The following C12orf42 variants were observed in gnomAD, a reference collection of about 807,000 sequenced individuals.
C12orf42 encodes the protein chromosome 12 open reading frame 42.
In C12orf42, 25 loss-of-function variants were observed where a neutral mutation model predicts 21.6. That is an observed-to-expected ratio of 1.16 (90% CI 0.84 to 1.62). The LOEUF (loss-of-function observed/expected upper bound fraction) is 1.62. Ranked by LOEUF, C12orf42 falls within the 40% of genes most tolerant of loss-of-function variation. The pLI is 0.00. For synonymous variants in C12orf42, 174 were observed against 175.0 expected (o/e 0.99, Z 0.05); for missense variants, 483 against 459.3 (o/e 1.05, Z -0.47).
At chr12:103,137,891 A>G in the C12orf42 span, among the ~76,000 whole-genome samples, 1 of 152,094 alleles carries the variant, frequency 6.6e-6, no homozygotes, top group Admixed American at 6.6e-5. Flanking sequence ...GTGGGGGCAT[A>G]AAGGAGGTTG....
chr12:103,069,991 C>T, the C12orf42 span, among the ~76,000 whole-genome samples: 2 of 152,276 alleles, frequency 1.3e-5, no homozygotes, highest in Admixed American at 6.5e-5. Flanking sequence ...TAGCAGGTAG[C>T]TCTTTGGGAG....
chr12:103,150,841 AT>A, the C12orf42 span, among the ~76,000 whole-genome samples: 1 of 152,178 alleles, frequency 6.6e-6, no homozygotes, highest in Non-Finnish European at 1.5e-5. Context: ...ATATACATAT[AT>A]TTTTCATCAT....
At chr12:103,377,632 G>T (rs2045815760) in intron 3 of C12orf42, among the ~76,000 whole-genome samples, 1 of 152,072 alleles carries the variant, frequency 6.6e-6, no homozygotes, top group Non-Finnish European at 1.5e-5. Context: ...GCCTAATTTT[G>T]CCAGATAATA....
chr12:103,386,957 A>G lies in C12orf42; in HGVS notation c.147+14650T>C, dbSNP rs78899705. 8.4e-4 allele frequency among the ~76,000 whole-genome samples: 128 copies of G among 152,328 alleles called. 2 individuals are homozygous for G. The East Asian group carries it at 0.023, about 28-fold the overall frequency. On this transcript the variant is annotated intron_variant, in intron 3 of 5. Coordinates refer to ENST00000548883, the MANE Select transcript of C12orf42 (RefSeq NM_198521.5). Reference sequence around the variant, plus strand: ...ACCAAAGTCACATCCTGCAGCTCGCAGTTCACAGCCCTCCCACAGCTCCAC... The same window carrying G: ...ACCAAAGTCACATCCTGCAGCTCGCGGTTCACAGCCCTCCCACAGCTCCAC...
the C12orf42 span, among the ~76,000 whole-genome samples, chr12:103,529,104 C>A: frequency 8.5e-5 from 13 of 152,084 alleles, no homozygotes; most frequent in Non-Finnish European, 1.8e-4. Flanking sequence ...ACCATGAAAA[C>A]CAATAAATGC....
the C12orf42 span, among the ~76,000 whole-genome samples, chr12:103,093,189 T>C: frequency 6.6e-6 from 1 of 152,228 alleles, no homozygotes; most frequent in South Asian, 2.1e-4. Flanking sequence ...TTCTTATTTT[T>C]CAAGATTGTC....
intron 4 of C12orf42, among the ~76,000 whole-genome samples, chr12:103,330,511 A>G (rs2041152904): frequency 6.6e-6 from 1 of 152,192 alleles, no homozygotes; most frequent in Non-Finnish European, 1.5e-5. Flanking sequence ...GTGGTTGGCT[A>G]CTTGGGTTCA....
the C12orf42 span, among the ~76,000 whole-genome samples, chr12:103,537,701 C>A: frequency 2.6e-5 from 4 of 152,336 alleles, no homozygotes; most frequent in East Asian, 1.9e-4. Flanking sequence ...CTTGGAAGAA[C>A]TAAAGCACAT....
chr12:103,156,845 T>C, the C12orf42 span, among the ~76,000 whole-genome samples: 58,860 of 152,048 alleles, frequency 0.39, 11,657 homozygotes, highest in Admixed American at 0.44. Flanking sequence ...ATGGTGTATA[T>C]AGACCACATT....
the C12orf42 span, among the ~76,000 whole-genome samples, chr12:103,211,763 T>A: frequency 6.6e-6 from 1 of 152,192 alleles, no homozygotes; most frequent in Admixed American, 6.5e-5. Context: ...TGGGAAACAG[T>A]AAATGCTTAT....
chr12:103,234,062 A>G (rs2033390999), downstream of C12orf42, among the ~76,000 whole-genome samples: 1 of 152,154 alleles, frequency 6.6e-6, no homozygotes, highest in South Asian at 2.1e-4. Context: ...ATCTATTGAT[A>G]TGTTATGTAG....
chr12:103,332,679 G>A (rs939629), intron 4 of C12orf42, among the ~76,000 whole-genome samples: 4 of 152,218 alleles, frequency 2.6e-5, no homozygotes, highest in Admixed American at 2.6e-4. Flanking sequence ...CTACGTACTG[G>A]GTAGAATTGT....
the C12orf42 span, among the ~76,000 whole-genome samples, chr12:103,207,347 C>A: frequency 6.6e-6 from 1 of 152,188 alleles, no homozygotes; most frequent in Non-Finnish European, 1.5e-5. Context: ...ACCCAAGCAC[C>A]ACACAGAAAT....
chr12:103,153,291 C>T, the C12orf42 span, among the ~76,000 whole-genome samples: 2 of 152,092 alleles, frequency 1.3e-5, no homozygotes, highest in African/African-American at 4.8e-5. Flanking sequence ...AGACATGACA[C>T]ACAAGGCACA....
the C12orf42 span, among the ~76,000 whole-genome samples, chr12:103,053,079 C>T: frequency 6.6e-6 from 1 of 151,908 alleles, no homozygotes; most frequent in Admixed American, 6.6e-5. Flanking sequence ...GTTTAGGTTC[C>T]CTCACTGTGA....
rs575109503 is a variant in C12orf42 at position 103,491,267 on chromosome 12, A to G, written c.-22+4635T>C. On this transcript the variant is annotated intron_variant, in intron 1 of 5. Transcript: ENST00000548883. ...TTAATTATTTTTTCCCATCAATATAATAATATTTGTTGGGCTATTTTAACT... is the reference window on the plus strand; with the variant it reads ...TTAATTATTTTTTCCCATCAATATAGTAATATTTGTTGGGCTATTTTAACT... Among the ~76,000 whole-genome samples the G allele has an allele frequency of 2.4e-4, 37 of 152,290 alleles. No homozygotes were observed. In the East Asian group the frequency reaches 6.9e-3, roughly 29 times the overall value.
intron 10 of C12orf42, among the ~76,000 whole-genome samples, chr12:103,238,301 T>C (rs1450698942): frequency 6.6e-6 from 1 of 152,048 alleles, no homozygotes; most frequent in Non-Finnish European, 1.5e-5. Flanking sequence ...GCAACACAGA[T>C]GACATGGCCA....
intron 3 of C12orf42, among the ~76,000 whole-genome samples, chr12:103,398,463 A>G (rs895563428): frequency 1.3e-5 from 2 of 152,098 alleles, no homozygotes; most frequent in African/African-American, 4.8e-5. Flanking sequence ...GTTAACTTGT[A>G]ACTTGTCCTT....
chr12:103,227,225 C>G, the C12orf42 span, among the ~76,000 whole-genome samples: 1 of 151,938 alleles, frequency 6.6e-6, no homozygotes, highest in African/African-American at 2.4e-5. Flanking sequence ...GGGGTTCTTA[C>G]CTTCCAGAAA....
Sources: allele counts gnomAD v4.1 joint callset (sites outside exome capture counted in the v4.1 genomes callset), GRCh38; gene constraint gnomAD v4.1.1; transcripts MANE v1.5; gene names NCBI Gene and HGNC (gene_info 2026-07-23, HGNC 2026-07-21).